Variants in DAP observed in about 807,000 individuals in gnomAD.
DAP encodes the protein death associated protein.
DAP carries 8 observed loss-of-function variants against 13.8 expected under a neutral mutation model. That is an observed-to-expected ratio of 0.58 (90% CI 0.34 to 1.05). The LOEUF is 1.05. Ranked by LOEUF, DAP falls within the 50% of genes least tolerant of loss-of-function variation. The pLI is 0.03. For missense variants in DAP, 106 were observed against 133.2 expected (o/e 0.80, Z 1.01); for synonymous variants, 47 against 47.5 (o/e 0.99, Z 0.04).
At chr5:10,713,148 T>C (rs1421429899) in intron 2 of DAP, among the ~76,000 whole-genome samples, 1 of 152,102 alleles carries the variant, frequency 6.6e-6, no homozygotes, top group African/African-American at 2.4e-5. Flanking sequence ...CAGGCAACCT[T>C]CCCAAGCCAA....
chr5:10,684,917 CTT>C (rs1252403764), intron 2 of DAP, among the ~76,000 whole-genome samples: 1 of 152,176 alleles, frequency 6.6e-6, no homozygotes, highest in Non-Finnish European at 1.5e-5. Context: ...GCATCTCCCT[CTT>C]AGTTCAGTTT....
intron 2 of DAP, among the ~76,000 whole-genome samples, chr5:10,704,977 G>C (rs1180843563): frequency 6.6e-6 from 1 of 152,160 alleles, no homozygotes; most frequent in Non-Finnish European, 1.5e-5. Flanking sequence ...CACAACCTCA[G>C]AATTGTGGCC....
At chr5:10,723,862 CAGA>C (rs1205310342) in intron 2 of DAP, among the ~76,000 whole-genome samples, 2 of 152,194 alleles carry the variant, frequency 1.3e-5, no homozygotes, top group African/African-American at 4.8e-5. Context: ...CCTAAGGATA[CAGA>C]AGGAGAGTCG....
At chr5:10,746,497 T>C (rs1032972285) in intron 2 of DAP, among the ~76,000 whole-genome samples, 2 of 151,908 alleles carry the variant, frequency 1.3e-5, no homozygotes, top group East Asian at 1.9e-4. Context: ...ACCTGACTGA[T>C]TTTTGTGTTT....
chr5:10,757,749 C>T lies in DAP; in HGVS notation c.55+3265G>A, dbSNP rs534544998. Among the ~76,000 whole-genome samples, 114 of 152,194 alleles carry T rather than the reference C, an allele frequency of 7.5e-4. 1 individual carries two copies. Among genetic ancestry groups the T allele is most frequent in the Non-Finnish European group, 1.5e-3 (103 of 68,030 alleles). On this transcript the variant is annotated intron_variant, in intron 1 of 3. Transcript: ENST00000230895. ...CTGAACCGGCCAAGAGGACCACCTG[C>T]ATCCCTGCGCACAGTACAGAGAGCT...
rs533988547 is a variant in DAP at position 10,723,476 on chromosome 5, C to T, written c.152+24699G>A. On this transcript the variant is annotated intron_variant, in intron 2 of 3. Coordinates refer to ENST00000230895, the MANE Select transcript of DAP (RefSeq NM_004394.3). ...AAACCTTGGAAATAGTACTTAACTC[C>T]TTTGGGTCATCCAAGCAAAACTACT... Among the ~76,000 whole-genome samples the T allele has an allele frequency of 9.8e-5, 15 of 152,352 alleles. No homozygotes were observed. The South Asian group carries it at 2.9e-3, about 29-fold the overall frequency.
At chr5:10,701,422 A>C (rs1364972538) in intron 2 of DAP, among the ~76,000 whole-genome samples, 1 of 152,192 alleles carries the variant, frequency 6.6e-6, no homozygotes, top group East Asian at 1.9e-4. Context: ...AATATTTTTA[A>C]ACCCAGCATC....
At chr5:10,711,894 A>G (rs1738863496) in intron 2 of DAP, among the ~76,000 whole-genome samples, 1 of 152,234 alleles carries the variant, frequency 6.6e-6, no homozygotes, top group South Asian at 2.1e-4. Context: ...ACGCAGGACC[A>G]GGCAGGGCAG....
At chr5:10,746,995 C>T (rs267946) in intron 2 of DAP, among the ~76,000 whole-genome samples, 2 of 152,194 alleles carry the variant, frequency 1.3e-5, no homozygotes, top group Non-Finnish European at 2.9e-5. Flanking sequence ...ATGATATGGG[C>T]AAGCTGATAT....
intron 2 of DAP, among the ~76,000 whole-genome samples, chr5:10,716,992 C>T (rs1015372312): frequency 3.9e-5 from 6 of 152,112 alleles, no homozygotes; most frequent in Non-Finnish European, 5.9e-5. Context: ...AAGTCCTAGG[C>T]GGAAACTGTT....
intron 2 of DAP, among the ~76,000 whole-genome samples, chr5:10,733,155 CGTGTGT>C (rs55645932): frequency 0.045 from 5,754 of 128,330 alleles, 169 homozygotes; most frequent in African/African-American, 0.073. Context: ...AATATTCCTG[CGTGTGT>C]GTGTGTGTGT....
At chr5:10,720,857 G>A (rs750776910) in intron 2 of DAP, among the ~76,000 whole-genome samples, 15 of 152,238 alleles carry the variant, frequency 9.9e-5, no homozygotes, top group African/African-American at 1.9e-4. Flanking sequence ...TCTGGATATA[G>A]GTTTGCCTAT....
Position 10,707,653 on chromosome 5 carries a change from G to T in DAP, c.153-24082C>A, listed in dbSNP as rs1738732352. 6.6e-6 allele frequency among the ~76,000 whole-genome samples: 1 copy of T among 152,166 alleles called. No individual in the cohort carries two copies. Among genetic ancestry groups the T allele is most frequent in the African/African-American group, 2.4e-5 (1 of 41,428 alleles). On this transcript the variant is annotated intron_variant, in intron 2 of 3. Transcript: ENST00000230895. The surrounding 1 kb of genome is among the most constrained non-coding windows in gnomAD (Gnocchi z 4.0). The stretch of plus-strand genomic sequence containing the variant: ...TGTACAGGTGGTGTGATGCACGGGT[G>T]GTGTGATTTGCGATCAGTGTGGTGC...
At chr5:10,701,295 G>A (rs1173070755) in intron 2 of DAP, among the ~76,000 whole-genome samples, 2 of 152,192 alleles carry the variant, frequency 1.3e-5, no homozygotes, top group African/African-American at 2.4e-5. Flanking sequence ...TCACAACACC[G>A]ATTTAAAAGA....
chr5:10,730,832 C>G (rs1455610089), intron 2 of DAP, among the ~76,000 whole-genome samples: 1 of 98,758 alleles, frequency 1.0e-5, no homozygotes, highest in African/African-American at 4.3e-5. Flanking sequence ...CTATTGAGAG[C>G]CCTGGTGGGG....
intron 3 of DAP, among the ~76,000 whole-genome samples, chr5:10,682,198 C>T (rs192941400): frequency 1.3e-5 from 2 of 150,364 alleles, no homozygotes; most frequent in African/African-American, 2.5e-5. Flanking sequence ...TGCCCACCAG[C>T]GTCCCTGCAG....
chr5:10,701,505 T>C (rs1283714878), intron 2 of DAP, among the ~76,000 whole-genome samples: 11 of 151,890 alleles, frequency 7.2e-5, no homozygotes. Flanking sequence ...TACTGTGCAT[T>C]GTAGTTTCCA....
intron 2 of DAP, among the ~76,000 whole-genome samples, chr5:10,710,561 G>A (rs968626993): frequency 2.0e-5 from 3 of 152,238 alleles, no homozygotes; most frequent in African/African-American, 4.8e-5. Flanking sequence ...TGGAAGTGTG[G>A]TGGGATGATG....
intron 2 of DAP, among the ~76,000 whole-genome samples, chr5:10,715,325 C>T (rs1264295850): frequency 6.6e-6 from 1 of 152,130 alleles, no homozygotes; most frequent in Non-Finnish European, 1.5e-5. Context: ...GATTACAGGG[C>T]CCAGGACAGC....
Sources: allele counts gnomAD v4.1 joint callset (sites outside exome capture counted in the v4.1 genomes callset), GRCh38; gene constraint gnomAD v4.1.1; non-coding constraint Gnocchi (gnomAD v3.1); transcripts MANE v1.5; gene names NCBI Gene and HGNC (gene_info 2026-07-23, HGNC 2026-07-21).